Variants in MYO1F observed in about 807,000 individuals in gnomAD.
MYO1F encodes myosin IF.
MYO1F carries 60 observed loss-of-function variants against 146.6 expected under a neutral mutation model. The observed-to-expected ratio is 0.41, with a 90% CI of 0.33 to 0.51. The LOEUF is 0.51. MYO1F is among the 20% of genes least tolerant of loss of function. MYO1F has a pLI of 0.25. For missense variants in MYO1F, 1,274 were observed against 1,534.3 expected (o/e 0.83, Z 2.83); for synonymous variants, 602 against 602.1 (o/e 1.00, Z 0.00).
At chr19:8,540,778 A>G (rs1371034998) in intron 15 of MYO1F, among the ~76,000 whole-genome samples, 1 of 151,846 alleles carries the variant, frequency 6.6e-6, no homozygotes, top group Non-Finnish European at 1.5e-5. Flanking sequence ...GCTAAACGTC[A>G]TGGATTGAGA....
intron 19 of MYO1F, among the ~76,000 whole-genome samples, chr19:8,532,243 C>T (rs925688273): frequency 1.3e-5 from 2 of 151,878 alleles, no homozygotes; most frequent in African/African-American, 4.8e-5. Context: ...ACAACCTGCA[C>T]AGCCATCCGT....
intron 19 of MYO1F, among the ~76,000 whole-genome samples, chr19:8,531,986 C>T (rs936526759): frequency 3.3e-5 from 5 of 151,956 alleles, no homozygotes; most frequent in Non-Finnish European, 7.4e-5. Context: ...GGTGTGGTGG[C>T]GCATGCCTGT....
chr19:8,543,684 GTGGTGGTGGTGGTGGTGGTGGTGC>G (rs1973094906), intron 14 of MYO1F, among the ~76,000 whole-genome samples: 5 of 53,002 alleles, frequency 9.4e-5, no homozygotes, highest in African/African-American at 2.1e-4. Flanking sequence ...GCTGGTGGTG[GTGGTGGTGGTGGTGGTGGTGGTGC>G]TGGTGGTGGT....
rs370497065 is a variant in MYO1F, at chr19:8,554,656, C to T, written c.229G>A (p.Ala77Thr). ...CTCCCACCCAGCCCCAGCCTCACCG[C>T]GCCCTGATAGAGGTCGATCTCACGG... ...TDREIDLYQG[A>T]AQYENPPHIY... Residue 77 changes from alanine to threonine, a missense_variant and splice_region_variant, in exon 3 of 28, where the codon GCG becomes ACG. Ala to Thr is a moderately conservative substitution (Grantham distance 58). This residue lies in a region of MYO1F where 900 missense variants were observed against 1,155.1 expected (regional missense o/e 0.78). Coordinates refer to ENST00000644032, the MANE Select transcript of MYO1F (RefSeq NM_012335.4). 44 of 1,613,974 alleles carry T rather than the reference C, an allele frequency of 2.7e-5. No homozygotes were observed. Among genetic ancestry groups the T allele is most frequent in the African/African-American group, 2.1e-4 (16 of 75,008 alleles).
intron 16 of MYO1F, 133 bp from the exon 17 acceptor site, chr19:8,537,188 C>T (rs1004574043): frequency 2.4e-5 from 16 of 676,098 alleles, no homozygotes; most frequent in Non-Finnish European, 4.0e-5. Context: ...AGATAAGCCA[C>T]AGGGGCCAGA....
Position 8,522,836 on chromosome 19 carries a change from C to A in MYO1F, c.2855-7G>T, listed in dbSNP as rs1337834209. On this transcript the variant is annotated splice_region_variant and splice_polypyrimidine_tract_variant and intron_variant, in intron 25 of 27. Transcript: ENST00000644032. ...ACCCCATTGCGATCCATGCCTGTGG[C>A]AGGAGCAAGGATGAAGACATGTATT... 2 of 1,555,252 alleles carry A rather than the reference C, an allele frequency of 1.3e-6. No individual in the cohort carries two copies. Among genetic ancestry groups the A allele is most frequent in the Non-Finnish European group, 8.7e-7 (1 of 1,154,548 alleles).
rs765584272 is a variant in MYO1F, at chr19:8,552,051, G to T, written c.618C>A (p.Asn206Lys). 6.2e-7 allele frequency: 1 copy of T among 1,613,940 alleles called. No homozygotes were observed. ...CCTGCACCTGGTAGTAGATGTGGAA[G>T]TTCCTCTCATTTTCATTTTGCATGA... ...RVVMQNENER[N>K]FHIYYQLLEG... Residue 206 changes from asparagine (N) to lysine (K), a missense_variant, in exon 7 of 28, where the codon AAC (asparagine) becomes AAA (lysine). Around this residue, in one of 2 missense-constraint regions of MYO1F, gnomAD observed 900 missense variants for 1,155.1 expected, o/e 0.78. Transcript: ENST00000644032.
chr19:8,536,951 G>A lies in MYO1F; in HGVS notation c.1797C>T (p.Asn599=). Residue 599 remains asparagine, a splice_region_variant and synonymous_variant, in exon 17 of 28, where the codon AAC becomes AAT. Transcript: ENST00000644032. Reference sequence around the variant, plus strand: ...TTGGATTGGTTGGGGGGGATCACCTGTTCTCCTCCCAGTCTCGGGGCCTCT... The same window carrying A: ...TTGGATTGGTTGGGGGGGATCACCTATTCTCCTCCCAGTCTCGGGGCCTCT... ...ETKRPRDWEE[N]RVKHQVEYLG... 6.2e-7 allele frequency: 1 copy of A among 1,611,722 alleles called. No individual in the cohort carries two copies. Among genetic ancestry groups the A allele is most frequent in the South Asian group, 1.1e-5 (1 of 90,986 alleles).
intron 25 of MYO1F, among the ~76,000 whole-genome samples, chr19:8,523,101 G>A (rs1405304747): frequency 2.0e-5 from 3 of 150,542 alleles, no homozygotes; most frequent in Admixed American, 2.0e-4. Flanking sequence ...GCGCGATCTC[G>A]GCTCACTGCA....
chr19:8,564,803 C>T (rs755136418), intron 1 of MYO1F, among the ~76,000 whole-genome samples: 4 of 151,490 alleles, frequency 2.6e-5, no homozygotes, highest in African/African-American at 9.7e-5. Context: ...GACAGAGTCT[C>T]GCTCTGTCAC....
chr19:8,526,750 G>A (rs1223396799), intron 23 of MYO1F, 39 bp downstream of exon 23: 1 of 1,577,396 alleles, frequency 6.3e-7, no homozygotes, highest in Non-Finnish European at 8.6e-7. Context: ...GCCGCGCCGA[G>A]ACCACCCCGA....
At chr19:8,528,837 C>T (rs1046526951) in intron 21 of MYO1F, among the ~76,000 whole-genome samples, 5 of 151,920 alleles carry the variant, frequency 3.3e-5, no homozygotes, top group Admixed American at 6.6e-5. Flanking sequence ...AGGAAGTGAG[C>T]GGGTGTGTAT....
Position 8,551,877 on chromosome 19 carries a change from G to A in MYO1F, c.637-3C>T, listed in dbSNP as rs1475185993. 1 of 1,614,074 alleles carries A rather than the reference G, an allele frequency of 6.2e-7. No individual in the cohort carries two copies. Among genetic ancestry groups the A allele is most frequent in the Non-Finnish European group, 8.5e-7 (1 of 1,180,008 alleles). On this transcript the variant is annotated splice_polypyrimidine_tract_variant and splice_region_variant and intron_variant, in intron 7 of 27. Transcript: ENST00000644032. ...TCCTGGGAGGCCCCTTCCAGCAGCT[G>A]GAGGGTGTGCCATGTTCATGCATCT...
intron 1 of MYO1F, among the ~76,000 whole-genome samples, chr19:8,561,363 TCCC>T (rs1974095648): frequency 2.3e-5 from 1 of 42,654 alleles, no homozygotes; most frequent in African/African-American, 8.1e-5. Flanking sequence ...CCTCCCTCCC[TCCC>T]TCCCTCCCTC....
intron 2 of MYO1F, 45 bp from the exon 3 acceptor site, chr19:8,554,788 C>T (rs754777569): frequency 6.4e-7 from 1 of 1,562,190 alleles, no homozygotes; most frequent in Non-Finnish European, 8.8e-7. Flanking sequence ...TAGGTTTTGT[C>T]CTCCCTGTCC....
At chr19:8,548,395 C>A in intron 10 of MYO1F, 78 bp from the exon 11 acceptor site, 1 of 1,365,260 alleles carries the variant, frequency 7.3e-7, no homozygotes, top group South Asian at 1.2e-5. Flanking sequence ...CTTAGACACA[C>A]GCCTAGCCAA....
At chr19:8,560,976 A>G (rs938919296) in intron 1 of MYO1F, among the ~76,000 whole-genome samples, 5 of 151,282 alleles carry the variant, frequency 3.3e-5, no homozygotes, top group Non-Finnish European at 7.4e-5. Context: ...TGACCTTGTG[A>G]TCTGCCCGCC....
intron 12 of MYO1F, among the ~76,000 whole-genome samples, chr19:8,546,737 G>GCATT (rs1973375125): frequency 6.6e-6 from 1 of 152,026 alleles, no homozygotes; most frequent in Non-Finnish European, 1.5e-5. Context: ...GGAGTGCAAT[G>GCATT]GCACAATCTC....
intron 25 of MYO1F, 116 bp from the exon 26 acceptor site, chr19:8,522,945 G>A (rs1972121150): frequency 2.1e-6 from 2 of 932,202 alleles, no homozygotes; most frequent in Non-Finnish European, 3.3e-6. Flanking sequence ...TCAACCCAGT[G>A]TGGTAAGGAT....
Sources: gnomAD v4.1 joint callset for allele counts (sites outside exome capture counted in the v4.1 genomes callset) on GRCh38, gnomAD v4.1.1 for gene constraint, gnomAD v4.1.1 regional missense constraint, MANE v1.5 for transcripts, NCBI Gene and HGNC (gene_info 2026-07-23, HGNC 2026-07-21) for gene names.